The following ATRX variants were observed in gnomAD, a reference collection of about 807,000 sequenced individuals.
The protein encoded by ATRX is ATRX chromatin remodeler.
A neutral mutation model predicts 172.6 loss-of-function variants in ATRX; 12 were observed. The ratio of observed to expected loss-of-function variants is 0.07; its 90% CI spans 0.04 to 0.11. ATRX has a LOEUF of 0.11. Among genes scored for constraint, ATRX ranks in the 10% least tolerant of loss-of-function variants. ATRX has a pLI of 1.00. For missense variants in ATRX, 1,368 were observed against 1,767.4 expected, an observed-to-expected ratio of 0.77 and a Z score of 4.05; for synonymous variants, 674 against 594.7, an observed-to-expected ratio of 1.13 and a Z score of -1.94.
chrX:77,525,912 G>A (rs2063366471), intron 30 of ATRX, among the ~76,000 whole-genome samples: 1 of 111,929 alleles, frequency 8.9e-6, no homozygotes, highest in Non-Finnish European at 1.9e-5. Flanking sequence ...ATGGTTGGAG[G>A]GGAAGCCTTT....
intron 30 of ATRX, among the ~76,000 whole-genome samples, chrX:77,525,480 G>C (rs782431536): frequency 1.8e-4 from 20 of 111,906 alleles, no homozygotes; most frequent in Admixed American, 1.4e-3. Flanking sequence ...AATGAGAAAA[G>C]TCAGGTGTTC....
At chrX:77,780,488 G>A (rs1281407825) in intron 1 of ATRX, among the ~76,000 whole-genome samples, 1 of 109,351 alleles carries the variant, frequency 9.1e-6, no homozygotes, top group African/African-American at 3.3e-5. Context: ...ACCACACCGA[G>A]ATGATTTTTT....
chrX:77,632,640 CA>C (rs1557106155), intron 19 of ATRX, among the ~76,000 whole-genome samples: 2 of 112,058 alleles, frequency 1.8e-5, no homozygotes, highest in African/African-American at 6.5e-5. Context: ...AAAAGTTGCA[CA>C]AATTAATAAT....
chrX:77,633,781 AC>A, intron 17 of ATRX, 69 bp from the exon 18 acceptor site: 1 of 1,069,940 alleles, frequency 9.3e-7, no homozygotes, highest in Non-Finnish European at 1.3e-6. Flanking sequence ...AAGCAATCTT[AC>A]AATATTATAG....
intron 12 of ATRX, among the ~76,000 whole-genome samples, chrX:77,663,085 C>T (rs781873773): frequency 1.2e-4 from 13 of 111,514 alleles, no homozygotes; most frequent in African/African-American, 3.6e-4. Flanking sequence ...CTCACTCTGT[C>T]GCCCAGGCTG....
intron 30 of ATRX, among the ~76,000 whole-genome samples, chrX:77,541,264 C>G (rs1003740135): frequency 4.5e-5 from 5 of 112,100 alleles, no homozygotes; most frequent in Non-Finnish European, 7.5e-5. Flanking sequence ...CAAGTCTAAA[C>G]CGGGAAGAAG....
intron 23 of ATRX, 67 bp from the exon 24 acceptor site, chrX:77,599,887 G>A: frequency 2.3e-6 from 2 of 887,584 alleles, no homozygotes; most frequent in Admixed American, 2.4e-5. Context: ...TTATATTGAT[G>A]TTCATTTAAG....
chrX:77,541,056 TAG>T lies in ATRX; in HGVS notation c.6699+16393_6699+16394del, dbSNP rs782396932. Among the ~76,000 whole-genome samples, 508 of 111,038 alleles carry T rather than the reference TAG, an allele frequency of 4.6e-3. 4 individuals are homozygous for T. The highest frequency in any genetic ancestry group is 0.013 in the African/African-American group (396 of 30,543). The stretch of plus-strand genomic sequence containing the variant: ...TGGTTGTTTGAAAAGATCAACAAAA[TAG>T]ATAGACCGCTAGCCAGACTGATAAA... On this transcript the variant is annotated intron_variant, in intron 30 of 34. Coordinates refer to ENST00000373344, the MANE Select transcript of ATRX (RefSeq NM_000489.6).
intron 17 of ATRX, among the ~76,000 whole-genome samples, chrX:77,634,187 A>G (rs1206563523): frequency 2.1e-5 from 2 of 95,825 alleles, no homozygotes; most frequent in African/African-American, 7.8e-5. Context: ...AGTAAAAGAT[A>G]CTTTACTTTG....
intron 15 of ATRX, among the ~76,000 whole-genome samples, chrX:77,651,127 G>C (rs1288679075): frequency 2.1e-5 from 2 of 96,106 alleles, no homozygotes; most frequent in African/African-American, 7.6e-5. Flanking sequence ...TGAGACAGGA[G>C]AATCACTTGA....
chrX:77,576,551 G>A (rs1220919379), intron 27 of ATRX, among the ~76,000 whole-genome samples: 1 of 110,836 alleles, frequency 9.0e-6, no homozygotes, highest in Non-Finnish European at 1.9e-5. Context: ...AAAAAACTAG[G>A]GAAGTTACAG....
At chrX:77,610,883 C>T (rs2067124847) in intron 22 of ATRX, among the ~76,000 whole-genome samples, 1 of 107,443 alleles carries the variant, frequency 9.3e-6, no homozygotes, top group Non-Finnish European at 1.9e-5. Context: ...AATGCCACAA[C>T]AAGTAACAGT....
At chrX:77,614,740 C>A (rs1172695534) in intron 22 of ATRX, among the ~76,000 whole-genome samples, 3 of 111,476 alleles carry the variant, frequency 2.7e-5, no homozygotes, top group Admixed American at 1.9e-4. Context: ...CGAGTCCTCT[C>A]TTCCAGCTAT....
At chrX:77,774,491 C>T (rs912134252) in intron 1 of ATRX, among the ~76,000 whole-genome samples, 1 of 110,783 alleles carries the variant, frequency 9.0e-6, no homozygotes, top group Non-Finnish European at 1.9e-5. Flanking sequence ...TCCTGGCTAA[C>T]ACGGTGAAAA....
At chrX:77,671,161 A>ATAT (rs2070568692) in intron 10 of ATRX, among the ~76,000 whole-genome samples, 1 of 46,100 alleles carries the variant, frequency 2.2e-5, no homozygotes, top group African/African-American at 7.2e-5. Context: ...AAAAAAAAAA[A>ATAT]AAAAAAATAT....
intron 1 of ATRX, among the ~76,000 whole-genome samples, chrX:77,745,499 C>T (rs2075034456): frequency 9.0e-6 from 1 of 111,559 alleles, no homozygotes. Context: ...GAAAAACAAA[C>T]TTCACATGTT....
chrX:77,750,516 A>T (rs375439577), intron 1 of ATRX, among the ~76,000 whole-genome samples: 2 of 110,996 alleles, frequency 1.8e-5, no homozygotes, highest in Admixed American at 9.7e-5. Flanking sequence ...AGTAACTTCC[A>T]TATCTTTTTT....
chrX:77,709,245 A>C (rs782629872), intron 2 of ATRX, among the ~76,000 whole-genome samples: 24 of 112,301 alleles, frequency 2.1e-4, no homozygotes, highest in African/African-American at 6.8e-4. Context: ...ATTTAAAAAG[A>C]ATTTATTACT....
At chrX:77,568,019 G>A (rs1222302165) in intron 28 of ATRX, among the ~76,000 whole-genome samples, 1 of 110,839 alleles carries the variant, frequency 9.0e-6, no homozygotes, top group African/African-American at 3.3e-5. Flanking sequence ...CTAAAGCAGT[G>A]CTGAAAGCGA....
Sources: gnomAD v4.1 joint callset for allele counts (sites outside exome capture counted in the v4.1 genomes callset) on GRCh38, gnomAD v4.1.1 for gene constraint, MANE v1.5 for transcripts, NCBI Gene and HGNC (gene_info 2026-07-23, HGNC 2026-07-21) for gene names.